TADA2A: variants seen among roughly 807,000 people sequenced by gnomAD.
TADA2A encodes the protein transcriptional adaptor 2A.
In TADA2A, 38 loss-of-function variants were observed where a neutral mutation model predicts 67.4. The ratio of observed to expected loss-of-function variants is 0.56; its 90% CI spans 0.44 to 0.74. The LOEUF is 0.74. Ranked by LOEUF, TADA2A falls within the 30% of genes least tolerant of loss-of-function variation. TADA2A has a pLI of 0.00. For missense variants in TADA2A, 454 were observed against 547.0 expected, an observed-to-expected ratio of 0.83 and a Z score of 1.70; for synonymous variants, 192 against 181.6, an observed-to-expected ratio of 1.06 and a Z score of -0.46.
chr17:37,422,034 A>G (rs1297271415), intron 2 of TADA2A, among the ~76,000 whole-genome samples: 1 of 141,576 alleles, frequency 7.1e-6, no homozygotes, highest in Non-Finnish European at 1.6e-5. Flanking sequence ...GCATACCGCC[A>G]TGCTTGGCTA....
Position 37,437,641 on chromosome 17 carries a change from C to T in TADA2A, c.193-97C>T. On this transcript the variant is annotated intron_variant, in intron 4 of 15. Transcript: ENST00000615182. ...ACCTCAGGTGATCCGCCCGCCTCCGCCTTCCAAAGTGCTGGGAGTATAGGC... is the reference window on the plus strand; with the variant it reads ...ACCTCAGGTGATCCGCCCGCCTCCGTCTTCCAAAGTGCTGGGAGTATAGGC... The T allele has an allele frequency of 2.8e-6, 3 of 1,062,646 alleles. No homozygotes were observed. The South Asian group carries it at 4.1e-5, about 15-fold the overall frequency. The allele number at this position is 1,062,646 out of a possible 1,614,324, so 65.8% of individuals were successfully genotyped here. A position where few individuals can be genotyped will look rare whatever the true frequency, so the allele number is the denominator to read the frequency against.
Position 37,447,313 on chromosome 17 carries a change from C to T in TADA2A, c.604+2545C>T, listed in dbSNP as rs147100635. Among the ~76,000 whole-genome samples the T allele has an allele frequency of 3.4e-4, 52 of 152,248 alleles. No homozygotes were observed. The East Asian group carries it at 9.8e-3, about 29-fold the overall frequency. Reference sequence around the variant, plus strand: ...CATAGCTGGGATTAGCGCCACCATGCCCAGCTAATTTTTATATTTTTAGTA... The same window carrying T: ...CATAGCTGGGATTAGCGCCACCATGTCCAGCTAATTTTTATATTTTTAGTA... On this transcript the variant is annotated intron_variant, in intron 8 of 15. Coordinates refer to ENST00000615182, the MANE Select transcript of TADA2A (RefSeq NM_001166105.3).
At chr17:37,438,525 A>G (rs1429012740) in intron 5 of TADA2A, among the ~76,000 whole-genome samples, 1 of 152,174 alleles carries the variant, frequency 6.6e-6, no homozygotes, top group East Asian at 1.9e-4. Context: ...AGGACTCTTA[A>G]TTAGGTCCTC....
At position 37,458,637 on chromosome 17, in the gene TADA2A, T is replaced by TTTTGTGTGTG. The variant is rs1230849870; in HGVS notation, c.668+51_668+52insTTGTGTGTGT. ...CTCCTTTCAGCTTTGGATTATTGTT[T>TTTTGTGTGTG]TGTGTGTGTGTGTGTGTGTGTGTGT... On this transcript the variant is annotated intron_variant, in intron 9 of 15. Transcript: ENST00000615182. The TTTTGTGTGTG allele has an allele frequency of 5.8e-5, 57 of 981,446 alleles. 1 individual carries two copies. The highest frequency in any genetic ancestry group is 2.1e-4 in the South Asian group (12 of 56,074). The allele number at this position is 981,446 out of a possible 1,614,324, so 60.8% of individuals were successfully genotyped here.
At chr17:37,467,566 A>G (rs2053692791) in intron 12 of TADA2A, 41 bp downstream of exon 12, 2 of 1,505,066 alleles carry the variant, frequency 1.3e-6, no homozygotes, top group Admixed American at 1.8e-5. Context: ...GAGGGCAAGT[A>G]TCTTCCAGAC....
At chr17:37,473,356 T>C (rs1244307426) in intron 14 of TADA2A, among the ~76,000 whole-genome samples, 1 of 152,076 alleles carries the variant, frequency 6.6e-6, no homozygotes, top group Non-Finnish European at 1.5e-5. Context: ...CTCTCCTTTA[T>C]GTTCTGAGTT....
At chr17:37,414,453 C>G (rs2051979222) in intron 2 of TADA2A, among the ~76,000 whole-genome samples, 1 of 152,108 alleles carries the variant, frequency 6.6e-6, no homozygotes, top group South Asian at 2.1e-4. Context: ...AGCCACTTCT[C>G]TGAGGAGTCC....
chr17:37,455,533 C>T lies in TADA2A; in HGVS notation c.605-2991C>T, dbSNP rs573902874. Among the ~76,000 whole-genome samples the T allele has an allele frequency of 1.0e-3, 152 of 152,146 alleles. 1 individual carries two copies. The highest frequency in any genetic ancestry group is 3.7e-3 in the African/African-American group (152 of 41,500). On this transcript the variant is annotated intron_variant, in intron 8 of 15. Transcript: ENST00000615182. Reference sequence around the variant, plus strand: ...AGTAGCTGGGACTACAGGCGCCCGCCACCATGCCAGGCTAATTTTTTATAT... The same window carrying T: ...AGTAGCTGGGACTACAGGCGCCCGCTACCATGCCAGGCTAATTTTTTATAT...
chr17:37,479,546 A>G lies in TADA2A; in HGVS notation c.*2564A>G, dbSNP rs997991919. The G allele has an allele frequency of 6.6e-6, 1 of 152,192 alleles. No individual in the cohort carries two copies. Among genetic ancestry groups the G allele is most frequent in the Non-Finnish European group, 1.5e-5 (1 of 68,030 alleles). The allele number at this position is 152,192 out of a possible 1,614,324, so 9.4% of individuals were successfully genotyped here. A position where few individuals can be genotyped will look rare whatever the true frequency, so the allele number is the denominator to read the frequency against. On this transcript the variant is annotated 3_prime_UTR_variant, in exon 16 of 16. Coordinates refer to ENST00000615182, the MANE Select transcript of TADA2A (RefSeq NM_001166105.3). Reference sequence around the variant, plus strand: ...AGACAGGGTTGGCCATAAACCAACTACACTGATAGAGGTCTCTCCAGATTG... The same window carrying G: ...AGACAGGGTTGGCCATAAACCAACTGCACTGATAGAGGTCTCTCCAGATTG...
At chr17:37,438,103 TGAA>T (rs2052787505) in intron 5 of TADA2A, 2 of 310,780 alleles carry the variant, frequency 6.4e-6, no homozygotes, top group South Asian at 1.6e-4. Context: ...TATTCCTTTC[TGAA>T]TAGTAGGGAA....
chr17:37,451,812 C>T (rs914279432), intron 8 of TADA2A, among the ~76,000 whole-genome samples: 41 of 151,682 alleles, frequency 2.7e-4, no homozygotes, highest in Non-Finnish European at 4.9e-4. Flanking sequence ...GGTGAAACCC[C>T]GTCTCTACTA....
At chr17:37,439,407 C>T (rs147382492) in intron 5 of TADA2A, among the ~76,000 whole-genome samples, 8 of 152,174 alleles carry the variant, frequency 5.3e-5, no homozygotes, top group African/African-American at 1.7e-4. Flanking sequence ...CTCAGGCTCC[C>T]GAGTAGCTGG....
chr17:37,439,928 TTATTTATTTATTTATTA>T (rs1412084540), intron 5 of TADA2A, among the ~76,000 whole-genome samples: 1 of 102,578 alleles, frequency 9.7e-6, no homozygotes, highest in African/African-American at 4.4e-5. Context: ...ATTTATTTAT[TTATTTATTTATTTATTA>T]TTTTTTTTTT....
At chr17:37,421,062 CT>C in intron 2 of TADA2A, among the ~76,000 whole-genome samples, 2 of 146,586 alleles carry the variant, frequency 1.4e-5, no homozygotes, top group Non-Finnish European at 3.0e-5. Context: ...GTGTTATGTA[CT>C]TACCATGGGA....
At chr17:37,459,536 G>C (rs2053493763) in intron 9 of TADA2A, among the ~76,000 whole-genome samples, 1 of 150,458 alleles carries the variant, frequency 6.6e-6, no homozygotes, top group African/African-American at 2.4e-5. Context: ...ATCCCCCTCT[G>C]CCTCCCAAAG....
At chr17:37,432,901 G>T (rs2052611845) in intron 4 of TADA2A, among the ~76,000 whole-genome samples, 1 of 138,972 alleles carries the variant, frequency 7.2e-6, no homozygotes, top group African/African-American at 2.7e-5. Flanking sequence ...TTTAGTCAGT[G>T]CAGTGTGGTA....
intron 4 of TADA2A, among the ~76,000 whole-genome samples, chr17:37,427,705 C>T (rs1664826029): frequency 7.1e-6 from 1 of 141,200 alleles, no homozygotes; most frequent in African/African-American, 2.7e-5. Context: ...GTTGGCCAGG[C>T]ACAGTAACTC....
chr17:37,432,536 T>G (rs891311890), intron 4 of TADA2A, among the ~76,000 whole-genome samples: 2 of 152,232 alleles, frequency 1.3e-5, no homozygotes, highest in Non-Finnish European at 2.9e-5. Context: ...TAATCATTTC[T>G]TTTAATTACT....
rs1329671600 is a variant in TADA2A, at chr17:37,419,136, C to G, written c.26-4373C>G. ...ACATACTTTACAGTTTTATTTTAGT[C>G]TGGAATGTTAAGAACTTACTTTTAC... On this transcript the variant is annotated intron_variant, in intron 2 of 15. Coordinates refer to ENST00000615182, the MANE Select transcript of TADA2A (RefSeq NM_001166105.3). 2.1e-5 allele frequency among the ~76,000 whole-genome samples: 3 copies of G among 145,578 alleles called. 1 individual carries two copies. Among genetic ancestry groups the G allele is most frequent in the Non-Finnish European group, 4.6e-5 (3 of 65,384 alleles).
Sources: gnomAD v4.1 joint callset for allele counts (sites outside exome capture counted in the v4.1 genomes callset) on GRCh38, gnomAD v4.1.1 for gene constraint, MANE v1.5 for transcripts, NCBI Gene and HGNC (gene_info 2026-07-23, HGNC 2026-07-21) for gene names.